Variants in NCKAP5 observed in about 807,000 individuals in gnomAD.
The protein encoded by NCKAP5 is nck-associated protein 5.
Under a neutral mutation model 167.0 loss-of-function variants are expected in NCKAP5, and 92 were observed. The ratio of observed to expected loss-of-function variants is 0.55; its 90% CI spans 0.47 to 0.66. NCKAP5 has a LOEUF of 0.66. NCKAP5 is among the 30% of genes least tolerant of loss of function. The pLI, the probability that NCKAP5 is intolerant of heterozygous loss-of-function variation, is 0.00. For synonymous variants in NCKAP5, 891 were observed against 877.4 expected (o/e 1.02, Z -0.27); for missense variants, 2,378 against 2,315.0 (o/e 1.03, Z -0.56).
intron 19 of NCKAP5, among the ~76,000 whole-genome samples, chr2:132,715,098 T>C (rs1365592403): frequency 1.3e-5 from 2 of 152,232 alleles, no homozygotes; most frequent in Non-Finnish European, 2.9e-5. Flanking sequence ...AGGTTTGAAA[T>C]GGTCTCTCTC....
intron 3 of NCKAP5, among the ~76,000 whole-genome samples, chr2:133,341,173 T>G (rs1332359438): frequency 6.6e-6 from 1 of 152,128 alleles, no homozygotes; most frequent in Non-Finnish European, 1.5e-5. Flanking sequence ...AAAAAAACAC[T>G]TATTAAAGTA....
chr2:132,847,613 A>G (rs1688759513), intron 11 of NCKAP5, among the ~76,000 whole-genome samples: 1 of 152,182 alleles, frequency 6.6e-6, no homozygotes, highest in African/African-American at 2.4e-5. Context: ...CTGAGCCACA[A>G]ATGAATCTAC....
At chr2:132,787,595 A>G (rs1206415164) in intron 13 of NCKAP5, among the ~76,000 whole-genome samples, 1 of 152,134 alleles carries the variant, frequency 6.6e-6, no homozygotes, top group Non-Finnish European at 1.5e-5. Context: ...TCAACAACGC[A>G]CACATTTATT....
chr2:133,303,129 A>G lies in NCKAP5; in HGVS notation c.70-19T>C, dbSNP rs79948460. On this transcript the variant is annotated intron_variant, in intron 3 of 19. Coordinates refer to ENST00000409261, the MANE Select transcript of NCKAP5 (RefSeq NM_207363.3). ...TGTATTCCTGCACAAGCAGACAAAG[A>G]CAGATGAAAACTCACTATGACAGTC... 5,787 of 1,549,244 alleles carry G rather than the reference A, an allele frequency of 3.7e-3. 173 individuals are homozygous for G. In the African/African-American group the frequency reaches 0.069, roughly 18 times the overall value.
intron 3 of NCKAP5, among the ~76,000 whole-genome samples, chr2:133,386,357 TTTGA>T (rs1348419041): frequency 2.0e-5 from 3 of 152,250 alleles, no homozygotes; most frequent in Non-Finnish European, 4.4e-5. Context: ...GTTGAGCAGT[TTTGA>T]TTGAGTTTCT....
At chr2:132,999,701 C>A (rs964578949) in intron 6 of NCKAP5, among the ~76,000 whole-genome samples, 19 of 152,142 alleles carry the variant, frequency 1.2e-4, no homozygotes, top group Non-Finnish European at 2.9e-5. Flanking sequence ...GCTGATTATT[C>A]CAACATGTAA....
At chr2:133,195,058 T>C (rs544163256) in intron 5 of NCKAP5, among the ~76,000 whole-genome samples, 3 of 152,142 alleles carry the variant, frequency 2.0e-5, no homozygotes, top group South Asian at 4.2e-4. Context: ...CTGCTTCTCA[T>C]ACCATATACT....
intron 11 of NCKAP5, among the ~76,000 whole-genome samples, chr2:132,818,560 C>A (rs539132789): frequency 2.6e-4 from 39 of 152,134 alleles, no homozygotes; most frequent in African/African-American, 8.4e-4. Flanking sequence ...TGGTGGCGTG[C>A]GCCTGTAGTC....
intron 2 of NCKAP5, among the ~76,000 whole-genome samples, chr2:133,525,357 T>C (rs1402732579): frequency 1.3e-5 from 2 of 152,226 alleles, no homozygotes; most frequent in African/African-American, 2.4e-5. Flanking sequence ...TTCCGGTTGA[T>C]GGTTTCAATG....
chr2:132,814,085 T>G (rs1484471195), intron 11 of NCKAP5, among the ~76,000 whole-genome samples: 1 of 152,366 alleles, frequency 6.6e-6, no homozygotes, highest in South Asian at 2.1e-4. Flanking sequence ...ATGTATTACA[T>G]AAATGCAATC....
chr2:132,810,804 G>A (rs1685805583), intron 11 of NCKAP5, among the ~76,000 whole-genome samples: 1 of 152,130 alleles, frequency 6.6e-6, no homozygotes, highest in African/African-American at 2.4e-5. Context: ...TGGATCCATT[G>A]CTGGTGAACT....
intron 10 of NCKAP5, among the ~76,000 whole-genome samples, chr2:132,867,128 T>A (rs1233898164): frequency 6.6e-6 from 1 of 152,122 alleles, no homozygotes; most frequent in Non-Finnish European, 1.5e-5. Context: ...GCTATTTTTT[T>A]TTTTGTAGCT....
intron 3 of NCKAP5, among the ~76,000 whole-genome samples, chr2:133,469,328 G>T (rs1489789609): frequency 6.6e-6 from 1 of 151,908 alleles, no homozygotes; most frequent in African/African-American, 2.4e-5. Flanking sequence ...TAAGAATGTT[G>T]AATATTGGCC....
the NCKAP5 span, among the ~76,000 whole-genome samples, chr2:133,615,266 A>T: frequency 6.6e-6 from 1 of 151,776 alleles, no homozygotes; most frequent in East Asian, 1.9e-4. Flanking sequence ...ACCAGCTAAC[A>T]TCATAATGAC....
intron 3 of NCKAP5, among the ~76,000 whole-genome samples, chr2:133,340,564 C>G (rs1355072491): frequency 6.6e-6 from 1 of 152,102 alleles, no homozygotes. Flanking sequence ...TACCCCCTGA[C>G]AATGCATAAG....
intron 3 of NCKAP5, among the ~76,000 whole-genome samples, chr2:133,489,161 G>T (rs925217435): frequency 2.2e-4 from 34 of 152,078 alleles, no homozygotes; most frequent in Admixed American, 7.9e-4. Context: ...AAGATAAGAT[G>T]TTTTATTTGG....
intron 8 of NCKAP5, among the ~76,000 whole-genome samples, chr2:132,913,967 C>A (rs1481981828): frequency 6.6e-6 from 1 of 152,064 alleles, no homozygotes; most frequent in Non-Finnish European, 1.5e-5. Context: ...GCCCAATGGG[C>A]TCAGTTGGTA....
At chr2:132,981,539 T>C (rs922443891) in intron 7 of NCKAP5, among the ~76,000 whole-genome samples, 8 of 152,204 alleles carry the variant, frequency 5.3e-5, no homozygotes, top group African/African-American at 1.9e-4. Flanking sequence ...TGTATCCCTA[T>C]GCTAATTCCT....
At chr2:133,242,705 T>C (rs890034488) in intron 4 of NCKAP5, among the ~76,000 whole-genome samples, 1 of 152,232 alleles carries the variant, frequency 6.6e-6, no homozygotes, top group African/African-American at 2.4e-5. Flanking sequence ...TACAAATGAA[T>C]GAGAAAATGC....
Sources: allele counts gnomAD v4.1 joint callset (sites outside exome capture counted in the v4.1 genomes callset), GRCh38; gene constraint gnomAD v4.1.1; transcripts MANE v1.5; gene names NCBI Gene and HGNC (gene_info 2026-07-23, HGNC 2026-07-21).